RPS6KC1: variants seen among roughly 807,000 people sequenced by gnomAD.
RPS6KC1 encodes inactive ribosomal protein S6 kinase delta-1.
A neutral mutation model predicts 103.8 loss-of-function variants in RPS6KC1; 54 were observed. The observed-to-expected ratio is 0.52, with a 90% confidence interval of 0.42 to 0.65. The LOEUF is 0.65. Among genes scored for constraint, RPS6KC1 ranks in the 30% least tolerant of loss-of-function variants. The pLI is 0.00. For missense variants in RPS6KC1, 1,151 were observed against 1,253.8 expected (o/e 0.92, Z 1.24); for synonymous variants, 439 against 438.7 (o/e 1.00, Z -0.01).
chr1:213,065,726 A>G (rs1033517883), intron 1 of RPS6KC1, among the ~76,000 whole-genome samples: 1 of 152,214 alleles, frequency 6.6e-6, no homozygotes, highest in Non-Finnish European at 1.5e-5. Flanking sequence ...GACCTAGTAT[A>G]TTCTCCATTG....
chr1:213,220,097 AGTATT>A (rs1373937080), intron 8 of RPS6KC1, among the ~76,000 whole-genome samples: 1 of 152,156 alleles, frequency 6.6e-6, no homozygotes, highest in Non-Finnish European at 1.5e-5. Flanking sequence ...CACACAATAC[AGTATT>A]GTATTGTAGA....
chr1:213,658,175 T>C, the RPS6KC1 span, among the ~76,000 whole-genome samples: 1 of 152,194 alleles, frequency 6.6e-6, no homozygotes, highest in Non-Finnish European at 1.5e-5. Context: ...ATATGAGTGG[T>C]GTGGGTTACA....
At chr1:213,782,114 TTA>T in the RPS6KC1 span, among the ~76,000 whole-genome samples, 1 of 152,036 alleles carries the variant, frequency 6.6e-6, no homozygotes, top group Admixed American at 6.6e-5. Flanking sequence ...CAACAAAGGT[TTA>T]TGTCTTGCTC....
chr1:213,568,768 C>A, the RPS6KC1 span, among the ~76,000 whole-genome samples: 1 of 152,218 alleles, frequency 6.6e-6, no homozygotes, highest in Admixed American at 6.5e-5. Flanking sequence ...CCAGATGGGC[C>A]TCACTCCAAA....
intron 1 of RPS6KC1, among the ~76,000 whole-genome samples, chr1:213,061,015 G>A (rs142838970): frequency 1.3e-3 from 191 of 151,918 alleles, no homozygotes; most frequent in East Asian, 4.0e-3. Context: ...ATGAGGGCCC[G>A]CTTCCTGATT....
At chr1:213,599,025 G>A in the RPS6KC1 span, among the ~76,000 whole-genome samples, 3 of 151,924 alleles carry the variant, frequency 2.0e-5, no homozygotes, top group Non-Finnish European at 2.9e-5. Context: ...GTAAGACTAC[G>A]TCTTACATTT....
At chr1:213,113,645 C>A (rs892914224) in intron 4 of RPS6KC1, among the ~76,000 whole-genome samples, 1 of 151,240 alleles carries the variant, frequency 6.6e-6, no homozygotes, top group Non-Finnish European at 1.5e-5. Context: ...ATGCCTATGT[C>A]CTGAATGGTA....
At chr1:213,432,954 AT>A in the RPS6KC1 span, among the ~76,000 whole-genome samples, 1 of 152,110 alleles carries the variant, frequency 6.6e-6, no homozygotes, top group Admixed American at 6.5e-5. Context: ...ACATGTATTA[AT>A]TTTCTATTTC....
the RPS6KC1 span, among the ~76,000 whole-genome samples, chr1:213,611,858 A>C: frequency 6.6e-6 from 1 of 152,198 alleles, no homozygotes; most frequent in Non-Finnish European, 1.5e-5. Context: ...AAGGTGTGAA[A>C]TAGGTGGGAG....
At chr1:213,602,130 C>CT in the RPS6KC1 span, among the ~76,000 whole-genome samples, 1 of 48,078 alleles carries the variant, frequency 2.1e-5, no homozygotes, top group African/African-American at 8.8e-5. Context: ...CTCTTTCTTT[C>CT]TTTCTTTCTT....
At chr1:213,219,066 T>C (rs1558564631) in intron 8 of RPS6KC1, among the ~76,000 whole-genome samples, 1 of 152,034 alleles carries the variant, frequency 6.6e-6, no homozygotes, top group Non-Finnish European at 1.5e-5. Context: ...ACCATCAGAG[T>C]GAACAGCCAA....
At chr1:213,704,551 T>C in the RPS6KC1 span, among the ~76,000 whole-genome samples, 2 of 152,368 alleles carry the variant, frequency 1.3e-5, no homozygotes, top group African/African-American at 2.4e-5. Flanking sequence ...TAGAATTTCT[T>C]TGAGTTTCCT....
chr1:213,390,973 T>C, the RPS6KC1 span, among the ~76,000 whole-genome samples: 2 of 152,194 alleles, frequency 1.3e-5, no homozygotes, highest in African/African-American at 4.8e-5. Context: ...TGCACTTTTT[T>C]GGGTATATGT....
chr1:213,858,512 A>T, the RPS6KC1 span, among the ~76,000 whole-genome samples: 1 of 152,184 alleles, frequency 6.6e-6, no homozygotes, highest in Non-Finnish European at 1.5e-5. Context: ...GTGGTCAATC[A>T]GCTGCACCCA....
At chr1:213,418,143 C>T in the RPS6KC1 span, among the ~76,000 whole-genome samples, 1 of 152,176 alleles carries the variant, frequency 6.6e-6, no homozygotes, top group South Asian at 2.1e-4. Context: ...AATGAGCAGT[C>T]TGCATTTGAA....
intron 1 of RPS6KC1, among the ~76,000 whole-genome samples, chr1:213,070,201 A>G (rs1225655861): frequency 6.6e-6 from 1 of 152,170 alleles, no homozygotes; most frequent in Non-Finnish European, 1.5e-5. Context: ...ATACAGTTGT[A>G]AGAAATAATG....
intron 5 of RPS6KC1, among the ~76,000 whole-genome samples, chr1:213,119,949 A>G (rs941360470): frequency 8.5e-5 from 13 of 152,170 alleles, no homozygotes; most frequent in African/African-American, 3.1e-4. Flanking sequence ...TTATACCAAG[A>G]CCACAAACAT....
chr1:213,593,271 T>C, the RPS6KC1 span, among the ~76,000 whole-genome samples: 3 of 151,668 alleles, frequency 2.0e-5, no homozygotes, highest in Non-Finnish European at 4.4e-5. Context: ...GTTTTTAGGA[T>C]TTTAGATGGG....
chr1:213,744,479 A>C, the RPS6KC1 span, among the ~76,000 whole-genome samples: 9 of 152,060 alleles, frequency 5.9e-5, no homozygotes, highest in African/African-American at 1.7e-4. Flanking sequence ...TTGTCCCCCC[A>C]TGGGCCTTTC....
Sources: gnomAD v4.1 joint callset for allele counts (sites outside exome capture counted in the v4.1 genomes callset) on GRCh38, gnomAD v4.1.1 for gene constraint, MANE v1.5 for transcripts, NCBI Gene and HGNC (gene_info 2026-07-23, HGNC 2026-07-21) for gene names.